LINGO2: variants seen among roughly 807,000 people sequenced by gnomAD.
The protein encoded by LINGO2 is leucine-rich repeat and immunoglobulin-like domain-containing nogo receptor-interacting protein 2.
A neutral mutation model predicts 30.6 loss-of-function variants in LINGO2; 14 were observed. The ratio of observed to expected loss-of-function variants is 0.46; its 90% CI spans 0.30 to 0.72. LINGO2 has a LOEUF of 0.72. Among genes scored for constraint, LINGO2 ranks in the 30% least tolerant of loss-of-function variants. The pLI, the probability that LINGO2 is intolerant of heterozygous loss-of-function variation, is 0.07. For missense variants in LINGO2, 729 were observed against 751.7 expected (o/e 0.97, Z 0.35); for synonymous variants, 317 against 288.5 (o/e 1.10, Z -1.00).
intron 3 of LINGO2, among the ~76,000 whole-genome samples, chr9:28,327,141 C>T (rs1825258744): frequency 1.3e-5 from 2 of 152,072 alleles, no homozygotes; most frequent in Non-Finnish European, 2.9e-5. Flanking sequence ...TAAGAAGGTG[C>T]CATCCATGAG....
intron 1 of LINGO2, among the ~76,000 whole-genome samples, chr9:28,596,435 C>T (rs1031079111): frequency 6.6e-6 from 1 of 152,092 alleles, no homozygotes; most frequent in Admixed American, 6.6e-5. Context: ...CAGTTGGATG[C>T]TTCTTAACAA....
chr9:28,935,722 A>G, the LINGO2 span, among the ~76,000 whole-genome samples: 4 of 152,134 alleles, frequency 2.6e-5, no homozygotes, highest in East Asian at 3.9e-4. Context: ...CAAATCTGCA[A>G]TATAGTCAAA....
chr9:28,957,232 TAATTTTTAGGTC>T, the LINGO2 span, among the ~76,000 whole-genome samples: 336 of 152,274 alleles, frequency 2.2e-3, 2 homozygotes, highest in African/African-American at 7.4e-3. Context: ...TACCACCACT[TAATTTTTAGGTC>T]AATGAGCACA....
At chr9:28,807,366 C>T in the LINGO2 span, among the ~76,000 whole-genome samples, 1 of 152,092 alleles carries the variant, frequency 6.6e-6, no homozygotes, top group African/African-American at 2.4e-5. Flanking sequence ...AAAAGTTTAC[C>T]TGACTCAGAG....
chr9:28,151,461 A>T (rs1827998430), intron 4 of LINGO2, among the ~76,000 whole-genome samples: 1 of 151,908 alleles, frequency 6.6e-6, no homozygotes, highest in African/African-American at 2.4e-5. Flanking sequence ...TAAAATAATA[A>T]AGGTCATATG....
At chr9:28,788,346 G>A in the LINGO2 span, among the ~76,000 whole-genome samples, 1 of 152,144 alleles carries the variant, frequency 6.6e-6, no homozygotes, top group Non-Finnish European at 1.5e-5. Context: ...AAAGTAAATT[G>A]TGTTTATTGG....
intron 4 of LINGO2, among the ~76,000 whole-genome samples, chr9:28,165,227 T>A (rs1828394032): frequency 6.6e-6 from 1 of 152,370 alleles, no homozygotes; most frequent in East Asian, 1.9e-4. Context: ...ACATTGTTTT[T>A]AATGAATCAT....
chr9:28,039,519 G>T (rs906665071), intron 4 of LINGO2, among the ~76,000 whole-genome samples: 2 of 152,086 alleles, frequency 1.3e-5, no homozygotes, highest in Non-Finnish European at 2.9e-5. Flanking sequence ...GTGTGTGTGT[G>T]TATGTAAAAA....
intron 1 of LINGO2, among the ~76,000 whole-genome samples, chr9:28,654,944 TG>T (rs1243804476): frequency 6.6e-6 from 1 of 152,130 alleles, no homozygotes; most frequent in Admixed American, 6.6e-5. Flanking sequence ...TGTTTTTTGC[TG>T]TGTGAAAATG....
chr9:28,305,177 C>G (rs1365860790), intron 3 of LINGO2, among the ~76,000 whole-genome samples: 1 of 152,038 alleles, frequency 6.6e-6, no homozygotes, highest in Non-Finnish European at 1.5e-5. Flanking sequence ...AATTCAACAT[C>G]AATTCCTCAT....
intron 1 of LINGO2, among the ~76,000 whole-genome samples, chr9:28,535,664 C>T (rs528444259): frequency 6.6e-6 from 1 of 152,074 alleles, no homozygotes; most frequent in Admixed American, 6.6e-5. Context: ...CATCCATGTG[C>T]ACACACACAC....
At chr9:28,603,875 T>C (rs970187243) in intron 1 of LINGO2, among the ~76,000 whole-genome samples, 1 of 152,022 alleles carries the variant, frequency 6.6e-6, no homozygotes, top group African/African-American at 2.4e-5. Flanking sequence ...TTTATTGAAG[T>C]ATTGAATGTA....
chr9:29,101,272 G>A, the LINGO2 span, among the ~76,000 whole-genome samples: 8 of 152,138 alleles, frequency 5.3e-5, no homozygotes, highest in African/African-American at 1.9e-4. Flanking sequence ...TAAAAAGTAG[G>A]GGAGAAACTA....
chr9:28,351,624 G>T (rs1191164093), intron 3 of LINGO2, among the ~76,000 whole-genome samples: 1 of 143,916 alleles, frequency 6.9e-6, no homozygotes, highest in Admixed American at 7.0e-5. Context: ...AATAGAAAAA[G>T]AGGGAATCCT....
At chr9:28,027,560 A>C (rs978613998) in intron 4 of LINGO2, among the ~76,000 whole-genome samples, 1 of 152,160 alleles carries the variant, frequency 6.6e-6, no homozygotes, top group Non-Finnish European at 1.5e-5. Context: ...AGTCTGTCTA[A>C]TCCTACAGGT....
chr9:28,888,845 T>C, the LINGO2 span: 2 of 532,488 alleles, frequency 3.8e-6, no homozygotes, highest in Non-Finnish European at 7.7e-6. Context: ...TAAAATGTTG[T>C]CCATTGCAAA....
the LINGO2 span, among the ~76,000 whole-genome samples, chr9:29,015,074 T>G: frequency 6.6e-6 from 1 of 152,068 alleles, no homozygotes; most frequent in East Asian, 1.9e-4. Flanking sequence ...GCAGAATAAT[T>G]TGGAGTATAA....
intron 4 of LINGO2, among the ~76,000 whole-genome samples, chr9:28,169,571 G>C (rs1029055700): frequency 6.6e-6 from 1 of 152,304 alleles, no homozygotes; most frequent in South Asian, 2.1e-4. Flanking sequence ...TATGTGCCCA[G>C]ACACTGTTCT....
intron 1 of LINGO2, among the ~76,000 whole-genome samples, chr9:28,655,853 A>C (rs895883602): frequency 1.3e-5 from 2 of 152,122 alleles, no homozygotes; most frequent in African/African-American, 4.8e-5. Context: ...TGAATCAATT[A>C]AACTTCTTTC....
Sources: allele counts gnomAD v4.1 joint callset (sites outside exome capture counted in the v4.1 genomes callset), GRCh38; gene constraint gnomAD v4.1.1; transcripts MANE v1.5; gene names NCBI Gene and HGNC (gene_info 2026-07-23, HGNC 2026-07-21).